Variants in IL7 observed in about 807,000 individuals in gnomAD.
The protein encoded by IL7 is interleukin 7.
Under a neutral mutation model 21.6 loss-of-function variants are expected in IL7, and 3 were observed. The observed-to-expected ratio is 0.14, with a 90% CI of 0.06 to 0.36. The LOEUF (loss-of-function observed/expected upper bound fraction) is 0.36. IL7 is among the 10% of genes least tolerant of loss of function. IL7 has a pLI of 1.00. For missense variants in IL7, 175 were observed against 200.2 expected (o/e 0.87, Z 0.76); for synonymous variants, 62 against 68.1 (o/e 0.91, Z 0.44).
chr8:78,705,644 G>T (rs1442175772), intron 3 of IL7, among the ~76,000 whole-genome samples: 1 of 152,040 alleles, frequency 6.6e-6, no homozygotes, highest in East Asian at 1.9e-4. Flanking sequence ...CCTCTGGGTC[G>T]GCATGGGCTC....
intron 4 of IL7, among the ~76,000 whole-genome samples, chr8:78,679,919 G>A (rs1462121944): frequency 6.6e-6 from 1 of 152,084 alleles, no homozygotes; most frequent in Non-Finnish European, 1.5e-5. Context: ...GCCTATATTA[G>A]CTTTAATTTG....
chr8:78,714,392 A>T (rs1157587232), downstream of IL7, among the ~76,000 whole-genome samples: 1 of 152,206 alleles, frequency 6.6e-6, no homozygotes. Flanking sequence ...TATAGTGGCA[A>T]CAACAGTAGT....
chr8:78,711,390 G>A (rs1810945614), intron 3 of IL7, among the ~76,000 whole-genome samples: 1 of 151,684 alleles, frequency 6.6e-6, no homozygotes, highest in South Asian at 2.1e-4. Context: ...GTATATATAG[G>A]CCCCTTACCA....
chr8:78,683,303 C>T lies in IL7; in HGVS notation n.273+2586G>A, dbSNP rs192301726. Among the ~76,000 whole-genome samples, 3 of 152,352 alleles carry T rather than the reference C, an allele frequency of 2.0e-5. No homozygotes were observed. In the East Asian group the frequency reaches 5.8e-4, roughly 29 times the overall value. ...TAGCAGAGGTTCTCCATGAGGGCCCCGCCCCTGAAACAAACTTCTTCCTGG... is the reference window on the plus strand; with the variant it reads ...TAGCAGAGGTTCTCCATGAGGGCCCTGCCCCTGAAACAAACTTCTTCCTGG... On this transcript the variant is annotated intron_variant and non_coding_transcript_variant, in intron 4 of 4. Transcript: ENST00000523959.
At position 78,753,294 on chromosome 8, in the gene IL7, A is replaced by G. The variant is rs144722556; in HGVS notation, c.148-13212T>C. On this transcript the variant is annotated intron_variant, in intron 2 of 5. Coordinates refer to ENST00000263851, the MANE Select transcript of IL7 (RefSeq NM_000880.4). ...GCCATTCTAACTGGTGTGAGATGAT[A>G]TCTCTTTGTGGTTTTGATTTGCATT... Among the ~76,000 whole-genome samples, 94 of 152,276 alleles carry G rather than the reference A, an allele frequency of 6.2e-4. 1 individual carries two copies. The East Asian group carries it at 0.016, about 27-fold the overall frequency.
At position 78,687,858 on chromosome 8, in the gene IL7, ATATATC is replaced by A. The variant is rs1563627156; in HGVS notation, n.215-1917_215-1912del. Among the ~76,000 whole-genome samples, 60 of 85,392 alleles carry A rather than the reference ATATATC, an allele frequency of 7.0e-4. 2 individuals carry two copies. The highest frequency in any genetic ancestry group is 5.3e-3 in the East Asian group (15 of 2,808). The allele number at this position is 85,392 out of a possible 152,430, so 56.0% of individuals were successfully genotyped here. On this transcript the variant is annotated intron_variant and non_coding_transcript_variant, in intron 3 of 4. Transcript: ENST00000523959. ...TAAATTATATATATATTTATATAAT[ATATATC>A]TATATAATAAATATATATTTATATA...
chr8:78,699,757 A>G (rs977992619), intron 3 of IL7, among the ~76,000 whole-genome samples: 9 of 152,142 alleles, frequency 5.9e-5, no homozygotes, highest in Non-Finnish European at 1.0e-4. Flanking sequence ...CCTAAGGATA[A>G]TGGCCTCCAG....
intron 1 of IL7, among the ~76,000 whole-genome samples, chr8:78,802,171 A>C (rs947590266): frequency 6.6e-6 from 1 of 152,180 alleles, no homozygotes; most frequent in Non-Finnish European, 1.5e-5. Context: ...CAAATAATAC[A>C]TTCAATCCTC....
chr8:78,691,116 G>T (rs76963025), intron 3 of IL7, among the ~76,000 whole-genome samples: 5,622 of 152,150 alleles, frequency 0.037, 315 homozygotes, highest in African/African-American at 0.13. Context: ...TTGAATAGAG[G>T]TGATGACAGT....
At chr8:78,801,758 T>C (rs1269376365) in intron 1 of IL7, among the ~76,000 whole-genome samples, 6 of 152,178 alleles carry the variant, frequency 3.9e-5, no homozygotes, top group African/African-American at 9.7e-5. Flanking sequence ...ATGCAGAAAC[T>C]CTTTAGATCT....
intron 2 of IL7, among the ~76,000 whole-genome samples, chr8:78,757,790 G>T (rs1352010274): frequency 2.0e-5 from 3 of 151,992 alleles, no homozygotes; most frequent in African/African-American, 7.2e-5. Context: ...ATATGGTTTG[G>T]CTGTGTCCTC....
At chr8:78,780,160 A>G (rs1586098804) in intron 2 of IL7, among the ~76,000 whole-genome samples, 1 of 151,364 alleles carries the variant, frequency 6.6e-6, no homozygotes, top group South Asian at 2.1e-4. Flanking sequence ...AGTCTGTTTT[A>G]TTAATTTTTT....
At chr8:78,741,718 G>A (rs1268142038) in intron 2 of IL7, among the ~76,000 whole-genome samples, 2 of 152,186 alleles carry the variant, frequency 1.3e-5, no homozygotes, top group African/African-American at 2.4e-5. Context: ...GAATGTAAAT[G>A]TGTTACTATA....
chr8:78,691,666 T>C (rs914158421), intron 3 of IL7, among the ~76,000 whole-genome samples: 5 of 152,128 alleles, frequency 3.3e-5, no homozygotes. Context: ...CCTTTTGTCT[T>C]CATAAGATTT....
intron 2 of IL7, among the ~76,000 whole-genome samples, chr8:78,781,057 T>C (rs1813311723): frequency 6.6e-6 from 1 of 152,192 alleles, no homozygotes; most frequent in Non-Finnish European, 1.5e-5. Context: ...ACCCCTGATT[T>C]TTTCTGTTTT....
At chr8:78,680,286 C>CAAAAAAA (rs3070855) in intron 4 of IL7, among the ~76,000 whole-genome samples, 5 of 88,150 alleles carry the variant, frequency 5.7e-5, no homozygotes, top group African/African-American at 2.3e-4. Context: ...GACTCCGTCT[C>CAAAAAAA]AAAAAAAAAA....
chr8:78,686,661 G>A, intron 3 of IL7: 2 of 1,400,046 alleles, frequency 1.4e-6, no homozygotes, highest in East Asian at 5.2e-5. Flanking sequence ...AATAATGATA[G>A]AGTTTTTATA....
intron 2 of IL7, among the ~76,000 whole-genome samples, chr8:78,766,761 TC>T (rs1812766801): frequency 1.3e-5 from 2 of 152,162 alleles, no homozygotes; most frequent in African/African-American, 2.4e-5. Flanking sequence ...GTAACAGACA[TC>T]TTTGTATGTG....
At chr8:78,799,059 A>T (rs1331491269) in intron 1 of IL7, among the ~76,000 whole-genome samples, 2 of 152,146 alleles carry the variant, frequency 1.3e-5, no homozygotes, top group East Asian at 3.8e-4. Context: ...AAACATTAAA[A>T]TCTGATCATA....
Sources: allele counts gnomAD v4.1 joint callset (sites outside exome capture counted in the v4.1 genomes callset), GRCh38; gene constraint gnomAD v4.1.1; transcripts MANE v1.5; gene names NCBI Gene and HGNC (gene_info 2026-07-23, HGNC 2026-07-21).